Variants in EML6 observed in about 807,000 individuals in gnomAD.
The protein encoded by EML6 is EMAP like 6, also known as echinoderm microtubule-associated protein-like 6.
In EML6, 154 loss-of-function variants were observed where a neutral mutation model predicts 240.1. That is an observed-to-expected ratio of 0.64 (90% confidence interval 0.56 to 0.73). EML6 has a LOEUF of 0.73. Ranked by LOEUF, EML6 falls within the 30% of genes least tolerant of loss-of-function variation. The pLI, the probability that EML6 is intolerant of heterozygous loss-of-function variation, is 0.00. For missense variants in EML6, 2,964 were observed against 2,474.6 expected, an observed-to-expected ratio of 1.20 and a Z score of -4.20; for synonymous variants, 1,148 against 899.0, an observed-to-expected ratio of 1.28 and a Z score of -4.95.
intron 2 of EML6, among the ~76,000 whole-genome samples, chr2:54,802,618 A>ATACTAC (rs56119525): frequency 0.14 from 19,958 of 139,730 alleles, 1,528 homozygotes; most frequent in Middle Eastern, 0.2. Flanking sequence ...ACCCTGTCTC[A>ATACTAC]TACTACTACT....
At chr2:54,831,706 C>G (rs1384298037) in intron 7 of EML6, among the ~76,000 whole-genome samples, 1 of 152,104 alleles carries the variant, frequency 6.6e-6, no homozygotes, top group Non-Finnish European at 1.5e-5. Flanking sequence ...AAGGCGGTAG[C>G]CTGCATTTTG....
chr2:54,752,945 C>A (rs1684239710), intron 2 of EML6, among the ~76,000 whole-genome samples: 1 of 152,190 alleles, frequency 6.6e-6, no homozygotes, highest in South Asian at 2.1e-4. Flanking sequence ...TCCGCCACCA[C>A]ACCCAGCTAA....
At chr2:54,934,110 G>A (rs1007935869) in intron 28 of EML6, among the ~76,000 whole-genome samples, 4 of 152,188 alleles carry the variant, frequency 2.6e-5, no homozygotes, top group African/African-American at 7.2e-5. Flanking sequence ...AGTATTATAT[G>A]ACTGGATGGT....
At chr2:54,889,729 T>A (rs978344954) in intron 17 of EML6, among the ~76,000 whole-genome samples, 16 of 152,224 alleles carry the variant, frequency 1.1e-4, no homozygotes, top group African/African-American at 3.9e-4. Flanking sequence ...ATGAATAGTT[T>A]TAGCTCTTCC....
chr2:54,893,482 C>G (rs190171840), intron 19 of EML6, among the ~76,000 whole-genome samples: 5 of 152,190 alleles, frequency 3.3e-5, no homozygotes, highest in East Asian at 1.9e-4. Context: ...GAGGGCAGAC[C>G]CCTCATGGTC....
chr2:54,779,358 G>A (rs1240869608), intron 2 of EML6, among the ~76,000 whole-genome samples: 1 of 151,602 alleles, frequency 6.6e-6, no homozygotes, highest in African/African-American at 2.4e-5. Context: ...GGCCATCATG[G>A]TGAAACCCTG....
chr2:54,869,551 T>TG, intron 15 of EML6, among the ~76,000 whole-genome samples, 184 bp downstream of exon 15: 1 of 152,338 alleles, frequency 6.6e-6, no homozygotes, highest in Non-Finnish European at 1.5e-5. Context: ...TTAGCATTAT[T>TG]GGGAGACCTC....
At chr2:54,816,999 C>T in intron 4 of EML6, 114 bp downstream of exon 4, 1 of 665,966 alleles carries the variant, frequency 1.5e-6, no homozygotes, top group Non-Finnish European at 2.7e-6. Flanking sequence ...ACATTTTTTC[C>T]TATTAAACTT....
At chr2:54,811,673 G>A (rs1448400057) in intron 2 of EML6, among the ~76,000 whole-genome samples, 2 of 152,176 alleles carry the variant, frequency 1.3e-5, no homozygotes, top group African/African-American at 2.4e-5. Flanking sequence ...AAATATACTG[G>A]TTTATCAACA....
intron 2 of EML6, among the ~76,000 whole-genome samples, chr2:54,755,507 C>G (rs951814169): frequency 6.6e-6 from 1 of 152,118 alleles, no homozygotes; most frequent in Non-Finnish European, 1.5e-5. Context: ...TATCCCTCTA[C>G]TTTGTTCTCT....
chr2:54,788,298 G>A (rs1669199787), intron 2 of EML6, among the ~76,000 whole-genome samples: 1 of 152,198 alleles, frequency 6.6e-6, no homozygotes. Flanking sequence ...ACCGGCTTCT[G>A]TTATTTCATG....
chr2:54,882,459 CTGGTAGTGTGACTAGGG>C (rs1671867944), intron 17 of EML6: 2 of 152,162 alleles, frequency 1.3e-5, no homozygotes, highest in African/African-American at 4.8e-5. Context: ...TTGTGTTACT[CTGGTAGTGTGACTAGGG>C]GAACAATGAA....
Position 54,910,625 on chromosome 2 carries a change from CAG to C in EML6, c.3410-328_3410-327del, listed in dbSNP as rs548918140. 3.5e-3 allele frequency among the ~76,000 whole-genome samples: 531 copies of C among 152,176 alleles called. 6 individuals carry two copies. Among genetic ancestry groups the C allele is most frequent in the Middle Eastern group, 0.01 (3 of 294 alleles). ...TTTGCTGAGAGGCAACTGGGAAAAA[CAG>C]GGGGAAAACTGATTTTTCTCAGGCT... On this transcript the variant is annotated intron_variant, in intron 24 of 41. Transcript: ENST00000356458.
intron 17 of EML6, among the ~76,000 whole-genome samples, chr2:54,890,214 C>T (rs1672392086): frequency 6.6e-6 from 1 of 152,138 alleles, no homozygotes; most frequent in Non-Finnish European, 1.5e-5. Context: ...TATTGAGCCA[C>T]CCTTGTGTTT....
At chr2:54,794,571 C>T (rs575125411) in intron 2 of EML6, among the ~76,000 whole-genome samples, 43 of 152,202 alleles carry the variant, frequency 2.8e-4, no homozygotes, top group African/African-American at 1.0e-3. Context: ...CGTCCTGATG[C>T]CCCCTAAAGG....
intron 7 of EML6, among the ~76,000 whole-genome samples, chr2:54,834,703 A>G (rs1669044364): frequency 1.3e-5 from 2 of 152,224 alleles, no homozygotes; most frequent in Non-Finnish European, 2.9e-5. Flanking sequence ...GCATCCAGAA[A>G]GAACCTGCAT....
chr2:54,800,585 C>T (rs186004734), intron 2 of EML6, among the ~76,000 whole-genome samples: 5 of 152,206 alleles, frequency 3.3e-5, no homozygotes, highest in Admixed American at 6.5e-5. Context: ...AAAGATATAA[C>T]GGCACCCTCC....
chr2:54,894,790 C>A, intron 19 of EML6, 125 bp from the exon 20 acceptor site: 5 of 608,758 alleles, frequency 8.2e-6, no homozygotes, highest in South Asian at 4.1e-5. Context: ...CAGAGTTTTC[C>A]ATCTCATATA....
chr2:54,767,597 AGTGTGTGTGT>A (rs111232633), intron 2 of EML6, among the ~76,000 whole-genome samples: 18 of 145,512 alleles, frequency 1.2e-4, no homozygotes, highest in Non-Finnish European at 2.0e-4. Context: ...TGGTATGAAG[AGTGTGTGTGT>A]GTGTGTGTGT....
Sources: allele counts gnomAD v4.1 joint callset (sites outside exome capture counted in the v4.1 genomes callset), GRCh38; gene constraint gnomAD v4.1.1; transcripts MANE v1.5; gene names NCBI Gene and HGNC (gene_info 2026-07-23, HGNC 2026-07-21).